Variants in RFC3 observed in about 807,000 individuals in gnomAD.
RFC3 encodes A1 38 kDa subunit.
In RFC3, 41 loss-of-function variants were observed where a neutral mutation model predicts 45.1. The ratio of observed to expected loss-of-function variants is 0.91; its 90% confidence interval spans 0.71 to 1.18. The LOEUF (loss-of-function observed/expected upper bound fraction) is 1.18. Among genes scored for constraint, RFC3 ranks in the 50% most tolerant of loss-of-function variants. The pLI is 0.00. For missense variants in RFC3, 423 were observed against 428.1 expected, an observed-to-expected ratio of 0.99 and a Z score of 0.10; for synonymous variants, 149 against 144.0, an observed-to-expected ratio of 1.03 and a Z score of -0.25.
intron 8 of RFC3, among the ~76,000 whole-genome samples, chr13:33,855,820 C>G (rs766452023): frequency 2.0e-5 from 3 of 151,770 alleles, no homozygotes; most frequent in Non-Finnish European, 2.9e-5. Flanking sequence ...ATTTAATGAG[C>G]TTGTTTTTGT....
chr13:33,840,966 G>C (rs2082193978), downstream of RFC3, among the ~76,000 whole-genome samples: 1 of 152,124 alleles, frequency 6.6e-6, no homozygotes, highest in South Asian at 2.1e-4. Context: ...AAAATTCAGG[G>C]GTCCTCAGCC....
At chr13:33,912,208 G>A (rs186999290) in intron 8 of RFC3, among the ~76,000 whole-genome samples, 4 of 152,106 alleles carry the variant, frequency 2.6e-5, no homozygotes, top group Admixed American at 1.3e-4. Context: ...CTCATCATTA[G>A]TATTTATTTA....
chr13:33,908,250 G>A (rs991232558), intron 8 of RFC3, among the ~76,000 whole-genome samples: 2 of 151,870 alleles, frequency 1.3e-5, no homozygotes, highest in Admixed American at 6.6e-5. Context: ...CAACCTATTA[G>A]AAGAGAGAGA....
chr13:33,944,784 T>A (rs749458590), intron 8 of RFC3, among the ~76,000 whole-genome samples: 1 of 152,110 alleles, frequency 6.6e-6, no homozygotes, highest in Non-Finnish European at 1.5e-5. Flanking sequence ...ACATATTCCT[T>A]TCTTTTTGCC....
intron 8 of RFC3, among the ~76,000 whole-genome samples, chr13:33,872,241 G>C (rs906128226): frequency 3.9e-5 from 6 of 152,168 alleles, no homozygotes; most frequent in African/African-American, 1.4e-4. Context: ...AGGCACTGGA[G>C]GGGAGAAGGC....
intron 4 of RFC3, among the ~76,000 whole-genome samples, chr13:33,829,251 G>C (rs1341931070): frequency 4.6e-5 from 7 of 152,106 alleles, no homozygotes; most frequent in Non-Finnish European, 1.0e-4. Context: ...CTTACTTTAT[G>C]GTGGCCAGAT....
chr13:33,830,148 A>C lies in RFC3; in HGVS notation c.573+131A>C, dbSNP rs56086917. Reference sequence around the variant, plus strand: ...ACAGACCTGGATGCAAAGCATTAATATGTGAACAAACCAAAGCGTATAGTT... The same window carrying C: ...ACAGACCTGGATGCAAAGCATTAATCTGTGAACAAACCAAAGCGTATAGTT... On this transcript the variant is annotated intron_variant, in intron 5 of 8. Transcript: ENST00000380071. The C allele has an allele frequency of 1.6e-3, 1,232 of 751,668 alleles. 18 individuals are homozygous for C. The African/African-American group carries it at 0.019, about 12-fold the overall frequency. The allele number at this position is 751,668 out of a possible 1,614,324, so 46.6% of individuals were successfully genotyped here. A position where few individuals can be genotyped will look rare whatever the true frequency, so the allele number is the denominator to read the frequency against.
At chr13:33,823,739 A>G (rs1028073067) in intron 2 of RFC3, among the ~76,000 whole-genome samples, 178 bp from the exon 3 acceptor site, 1 of 152,144 alleles carries the variant, frequency 6.6e-6, no homozygotes, top group African/African-American at 2.4e-5. Flanking sequence ...GACCCAATTT[A>G]TATAAAAACA....
intron 8 of RFC3, among the ~76,000 whole-genome samples, chr13:33,860,508 C>G (rs554909216): frequency 6.6e-6 from 1 of 152,292 alleles, no homozygotes; most frequent in South Asian, 2.1e-4. Flanking sequence ...CAATGTGCAT[C>G]CTGTGACTTG....
chr13:33,900,626 A>G (rs569073053), intron 8 of RFC3, among the ~76,000 whole-genome samples: 10 of 152,022 alleles, frequency 6.6e-5, no homozygotes, highest in Non-Finnish European at 1.2e-4. Flanking sequence ...GATCTGGGCA[A>G]AGATTGTTTG....
chr13:33,868,160 C>A (rs2082385520), intron 8 of RFC3, among the ~76,000 whole-genome samples: 1 of 152,170 alleles, frequency 6.6e-6, no homozygotes, highest in African/African-American at 2.4e-5. Flanking sequence ...ATGTGGATAT[C>A]AGGTACGAAG....
At chr13:33,835,983 T>G (rs1220809057) in intron 8 of RFC3, 121 bp from the exon 9 acceptor site, 3 of 1,056,064 alleles carry the variant, frequency 2.8e-6, no homozygotes, top group Non-Finnish European at 3.9e-6. Flanking sequence ...CATAAAAAAT[T>G]AAAGATCTCA....
chr13:33,946,212 C>G (rs2082953559), intron 8 of RFC3, among the ~76,000 whole-genome samples: 1 of 152,162 alleles, frequency 6.6e-6, no homozygotes, highest in South Asian at 2.1e-4. Context: ...TAAGAAGCGA[C>G]TTATTACAGC....
chr13:33,913,559 C>T (rs1566025967), intron 8 of RFC3, among the ~76,000 whole-genome samples: 1 of 152,146 alleles, frequency 6.6e-6, no homozygotes, highest in African/African-American at 2.4e-5. Flanking sequence ...CTGTCCCTTT[C>T]TATATGACCT....
intron 8 of RFC3, among the ~76,000 whole-genome samples, chr13:33,912,026 T>C (rs1260649443): frequency 1.3e-5 from 2 of 152,144 alleles, no homozygotes; most frequent in African/African-American, 2.4e-5. Flanking sequence ...ATCATGGTTT[T>C]GCCATTAAAA....
At chr13:33,901,188 G>A (rs1400293804) in intron 8 of RFC3, among the ~76,000 whole-genome samples, 1 of 151,914 alleles carries the variant, frequency 6.6e-6, no homozygotes. Context: ...TTCAACTACT[G>A]GGTATGTATC....
chr13:33,829,902 A>G lies in RFC3; in HGVS notation c.458A>G (p.Glu153Gly). ...CAGCATGCCTTGCGAAGAACCATGG[A>G]AAAATATATGTCTACCTGCAGATTG... is the stretch of plus-strand genomic sequence containing the variant. Reference protein sequence around the residue: ...DAQHALRRTMEKYMSTCRLIL... With the variant: ...DAQHALRRTMGKYMSTCRLIL... The change falls in exon 5 of 9, where the codon GAA becomes GGA. Residue 153 changes from glutamate (E) to glycine (G), a missense_variant. Glu to Gly is a moderately conservative substitution (Grantham distance 98, BLOSUM62 -2). Coordinates refer to ENST00000380071, the MANE Select transcript of RFC3 (RefSeq NM_002915.4). 1 of 1,614,070 alleles carries G rather than the reference A, an allele frequency of 6.2e-7. No individual in the cohort carries two copies.
intron 8 of RFC3, among the ~76,000 whole-genome samples, chr13:33,943,780 A>G (rs925184866): frequency 3.3e-5 from 5 of 151,520 alleles, no homozygotes; most frequent in Admixed American, 6.5e-5. Context: ...AGATTCTCTT[A>G]TTTTGATTAA....
At chr13:33,821,324 T>A in intron 2 of RFC3, 55 bp downstream of exon 2, 1 of 1,570,866 alleles carries the variant, frequency 6.4e-7, no homozygotes, top group South Asian at 1.1e-5. Context: ...ACTTTCAGTC[T>A]TGGTCATGTA....
Sources: gnomAD v4.1 joint callset for allele counts (sites outside exome capture counted in the v4.1 genomes callset) on GRCh38, gnomAD v4.1.1 for gene constraint, MANE v1.5 for transcripts, NCBI Gene and HGNC (gene_info 2026-07-23, HGNC 2026-07-21) for gene names.